MALAT1: variants seen among roughly 807,000 people sequenced by gnomAD.
The protein encoded by MALAT1 is hepcarcin.
rs181716889 is a variant in MALAT1 at position 65,498,239 on chromosome 11, C to T, written n.178+374C>T. Reference sequence around the variant, plus strand: ...GCTTAGTTGGTCTACTTTAAAAGGCCACTTGAACTCGCTTTCCATGGCGAT... The same window carrying T: ...GCTTAGTTGGTCTACTTTAAAAGGCTACTTGAACTCGCTTTCCATGGCGAT... On this transcript the variant is annotated intron_variant and non_coding_transcript_variant, in intron 1 of 3. Coordinates refer to ENST00000619449, the Ensembl canonical transcript of MALAT1. 26 of 518,794 alleles carry T rather than the reference C, an allele frequency of 5.0e-5. No homozygotes were observed. In the East Asian group the frequency reaches 1.3e-3, roughly 26 times the overall value. The allele number at this position is 518,794 out of a possible 1,614,324, so 32.1% of individuals were successfully genotyped here. A position where few individuals can be genotyped will look rare whatever the true frequency, so the allele number is the denominator to read the frequency against.
At chr11:65,499,307 T>C in exon 3 of MALAT1, 1 of 510,640 alleles carries the variant, frequency 2.0e-6, no homozygotes, top group Non-Finnish European at 3.9e-6. Context: ...ATGACGGAGG[T>C]TGAGATGAAG....
At chr11:65,497,967 T>C in intron 1 of MALAT1, 1 of 518,974 alleles carries the variant, frequency 1.9e-6, no homozygotes, top group South Asian at 1.4e-5. Context: ...AGGCTGGCCA[T>C]TCCAGGTGGT....
At chr11:65,501,856 T>G (rs774617142) in exon 3 of MALAT1, 1 of 517,458 alleles carries the variant, frequency 1.9e-6, no homozygotes, top group African/African-American at 1.9e-5. Context: ...GGGGCAAATA[T>G]TGGCAATTAG....
chr11:65,501,684 T>C (rs1156469104), exon 3 of MALAT1: 2 of 518,924 alleles, frequency 3.9e-6, no homozygotes, highest in South Asian at 1.4e-5. Flanking sequence ...GCTGCTTTTA[T>C]CCTTGGAAGA....
At chr11:65,504,562 T>C (rs768854853) in intron 3 of MALAT1, 1 of 518,990 alleles carries the variant, frequency 1.9e-6, no homozygotes, top group Non-Finnish European at 3.8e-6. Flanking sequence ...TATTTGTGAT[T>C]GAAGCTGAGT....
At chr11:65,504,446 A>C (rs781389453) in intron 3 of MALAT1, 2 of 518,962 alleles carry the variant, frequency 3.9e-6, no homozygotes, top group Non-Finnish European at 7.7e-6. Context: ...GAGTATGATT[A>C]AAAGTTGTGT....
At chr11:65,502,404 A>G (rs1854570159) in exon 3 of MALAT1, 1 of 506,206 alleles carries the variant, frequency 2.0e-6, no homozygotes, top group South Asian at 1.5e-5. Context: ...GTAAGATTCT[A>G]TTTTCAGTTG....
chr11:65,504,912 C>T (rs60151940), intron 3 of MALAT1: 9,876 of 518,742 alleles, frequency 0.019, 817 homozygotes, highest in African/African-American at 0.17. Context: ...CCAAACATTC[C>T]ATTTTAAATG....
chr11:65,506,122 T>C (rs777158988), intron 3 of MALAT1: 1 of 403,522 alleles, frequency 2.5e-6, no homozygotes. Context: ...CAAAAGATGC[T>C]GGTGGTTGGC....
In MALAT1 at chr11:65,502,741, A is replaced by AGATT. The variant is rs778949471; in HGVS notation, n.4005_4008dup. 8.7e-5 allele frequency: 45 copies of AGATT among 514,614 alleles called. 2 individuals carry two copies. Among genetic ancestry groups the AGATT allele is most frequent in the South Asian group, 6.3e-4 (44 of 70,180 alleles). The allele number at this position is 514,614 out of a possible 1,614,324, so 31.9% of individuals were successfully genotyped here. A position where few individuals can be genotyped will look rare whatever the true frequency, so the allele number is the denominator to read the frequency against. ...GTGAATTGATAAGTAAAGGCAGAAA[A>AGATT]GATTATATGTCATACCTCCATTGGG... On this transcript the variant is annotated non_coding_transcript_exon_variant, in exon 3 of 4. Transcript: ENST00000619449.
chr11:65,501,638 G>T, exon 3 of MALAT1: 1 of 518,946 alleles, frequency 1.9e-6, no homozygotes, highest in Non-Finnish European at 3.8e-6. Flanking sequence ...GGAGTGTACC[G>T]CTGTGCTGTT....
At chr11:65,502,324 C>T (rs780159980) in exon 3 of MALAT1, 2 of 516,350 alleles carry the variant, frequency 3.9e-6, no homozygotes, top group East Asian at 1.1e-4. Context: ...ACTATAGAAA[C>T]TGCAGAGCAA....
At chr11:65,502,520 T>C in exon 3 of MALAT1, 1 of 485,822 alleles carries the variant, frequency 2.1e-6, no homozygotes, top group South Asian at 1.5e-5. Context: ...TTGTTTATTT[T>C]AAACTTATCT....
In MALAT1 at chr11:65,502,905, C is replaced by T. The variant is rs763719044; in HGVS notation, n.4168C>T. 1.8e-5 allele frequency: 9 copies of T among 491,880 alleles called. 1 individual carries two copies. Among genetic ancestry groups the T allele is most frequent in the Middle Eastern group, 6.4e-4 (2 of 3,120 alleles). The allele number at this position is 491,880 out of a possible 1,614,324, so 30.5% of individuals were successfully genotyped here. A position where few individuals can be genotyped will look rare whatever the true frequency, so the allele number is the denominator to read the frequency against. ...AAGTTAATTGCTTGTCAAGCTATAACCACAAAAATAATGAATTGATGAGAA... is the reference window on the plus strand; with the variant it reads ...AAGTTAATTGCTTGTCAAGCTATAATCACAAAAATAATGAATTGATGAGAA... On this transcript the variant is annotated non_coding_transcript_exon_variant, in exon 3 of 4. Transcript: ENST00000619449.
rs748797375 is a variant in MALAT1 at position 65,505,610 on chromosome 11, G to A, written n.5169-650G>A. ...GCACAGACCCTTCACCCCTCACCTC[G>A]ATGCAGCCAGTAGCTTGGATCCTTG... On this transcript the variant is annotated intron_variant and non_coding_transcript_variant, in intron 3 of 3. Transcript: ENST00000619449. 2.9e-5 allele frequency: 15 copies of A among 518,800 alleles called. No homozygotes were observed. The East Asian group carries it at 4.9e-4, about 17-fold the overall frequency. 32.1% of individuals were successfully genotyped at this position (518,800 alleles called of 1,614,324 possible).
chr11:65,501,224 A>ATTTTTTTGTT, exon 3 of MALAT1: 1 of 229,398 alleles, frequency 4.4e-6, no homozygotes, highest in Non-Finnish European at 8.5e-6. Context: ...AGTTTTCAGT[A>ATTTTTTTGTT]TTTTTTTTTG....
chr11:65,499,148 A>G (rs761698980), exon 3 of MALAT1: 1 of 513,472 alleles, frequency 1.9e-6, no homozygotes, highest in Non-Finnish European at 3.9e-6. Context: ...AGATTAATAC[A>G]ACTACTTAAA....
intron 1 of MALAT1, chr11:65,497,897 G>C (rs560427707): frequency 1.9e-6 from 1 of 518,716 alleles, no homozygotes; most frequent in South Asian, 1.4e-5. Flanking sequence ...CGGGAGCCCA[G>C]GTTTCCCAGA....
chr11:65,499,252 TAGAAG>T (rs752926782), exon 3 of MALAT1: 4 of 512,058 alleles, frequency 7.8e-6, no homozygotes, highest in Admixed American at 2.0e-5. Context: ...TATGAAGACT[TAGAAG>T]AGTAGCATGA....
Sources: allele counts gnomAD v4.1 joint callset, GRCh38; gene constraint gnomAD v4.1.1; transcripts MANE v1.5; gene names NCBI Gene and HGNC (gene_info 2026-07-23, HGNC 2026-07-21).